Variants in ARHGEF10 observed in about 807,000 individuals in gnomAD.
The protein encoded by ARHGEF10 is Rho guanine nucleotide exchange factor (GEF) 10.
A neutral mutation model predicts 147.4 loss-of-function variants in ARHGEF10; 140 were observed. That is an observed-to-expected ratio of 0.95 (90% CI 0.83 to 1.09). The LOEUF (loss-of-function observed/expected upper bound fraction) is 1.09. Ranked by LOEUF, ARHGEF10 falls within the 50% of genes least tolerant of loss-of-function variation. The pLI is 0.00. For synonymous variants in ARHGEF10, 902 were observed against 695.8 expected (o/e 1.30, Z -4.67); for missense variants, 2,222 against 1,752.7 (o/e 1.27, Z -4.78).
In ARHGEF10 at chr8:1,905,500, G is replaced by C. The variant is rs1196221547; in HGVS notation, c.1822-71G>C. ...AAAGTCACCCTGAGACTCCATACCA[G>C]ACTTCTCCTCATCTTTTTCTTTTCC... On this transcript the variant is annotated intron_variant, in intron 16 of 28. Transcript: ENST00000349830. 1.9e-6 allele frequency: 3 copies of C among 1,597,556 alleles called. No individual in the cohort carries two copies. The African/African-American group carries it at 4.0e-5, about 21-fold the overall frequency.
chr8:1,876,159 G>T (rs3735874), intron 7 of ARHGEF10: 43,629 of 240,206 alleles, frequency 0.18, 4,655 homozygotes, highest in East Asian at 0.36. Flanking sequence ...ACCGTCCATC[G>T]ACATGCCTAT....
At chr8:1,934,068 C>A in intron 26 of ARHGEF10, 126 bp downstream of exon 26, 1 of 1,297,814 alleles carries the variant, frequency 7.7e-7, no homozygotes. Context: ...GGCACAGTGG[C>A]TCATGCCTGT....
chr8:1,836,173 T>A (rs1803567178), intron 1 of ARHGEF10, among the ~76,000 whole-genome samples: 1 of 129,342 alleles, frequency 7.7e-6, no homozygotes, highest in Admixed American at 7.9e-5. Context: ...AGAGCAAGAC[T>A]CTGCCATGGA....
chr8:1,903,216 C>T lies in ARHGEF10; in HGVS notation c.1651-65C>T, dbSNP rs2294034. 12,767 of 1,586,792 alleles carry T rather than the reference C, an allele frequency of 8.0e-3. 334 individuals carry two copies. Among genetic ancestry groups the T allele is most frequent in the African/African-American group, 0.078 (5,824 of 74,368 alleles). On this transcript the variant is annotated intron_variant, in intron 15 of 28. Coordinates refer to ENST00000349830, the MANE Select transcript of ARHGEF10 (RefSeq NM_014629.4). ...CTTTCCATTGTCAGCTGGCGGGTGA[C>T]GCGACTGTTGTTGCACTGGGAGTGT...
rs73540782 is a variant in ARHGEF10 at position 1,846,884 on chromosome 8, T to G, written c.37+3448T>G. Among the ~76,000 whole-genome samples, 356 of 152,326 alleles carry G rather than the reference T, an allele frequency of 2.3e-3. 2 individuals are homozygous for G. Among genetic ancestry groups the G allele is most frequent in the African/African-American group, 8.1e-3 (337 of 41,572 alleles). ...GAGCCACCACATGTGGCCTGATTTTTAACATTTTGAGTGTAGGTTTTTATA... is the reference window on the plus strand; with the variant it reads ...GAGCCACCACATGTGGCCTGATTTTGAACATTTTGAGTGTAGGTTTTTATA... On this transcript the variant is annotated intron_variant, in intron 2 of 28. Transcript: ENST00000349830.
chr8:1,878,453 G>C (rs1056880894), intron 8 of ARHGEF10, among the ~76,000 whole-genome samples: 5 of 152,176 alleles, frequency 3.3e-5, no homozygotes, highest in Non-Finnish European at 7.3e-5. Flanking sequence ...CCAAAGTGCT[G>C]GGATTACAGG....
Position 1,824,780 on chromosome 8 carries a change from C to T in ARHGEF10, c.-48+667C>T, listed in dbSNP as rs1189513573. 8.0e-4 allele frequency among the ~76,000 whole-genome samples: 61 copies of T among 76,500 alleles called. 1 individual carries two copies. Among genetic ancestry groups the T allele is most frequent in the African/African-American group, 3.6e-3 (59 of 16,568 alleles). The allele number at this position is 76,500 out of a possible 152,430, so 50.2% of individuals were successfully genotyped here. The stretch of plus-strand genomic sequence containing the variant: ...CCGCACCCTACCTGTTTATTCTGCA[C>T]CCCACCTGTCCCCTCGCACCCCACC... On this transcript the variant is annotated intron_variant, in intron 1 of 28. Transcript: ENST00000349830.
In ARHGEF10 at chr8:1,869,208, A is replaced by G. The variant is rs776692115; in HGVS notation, c.637A>G (p.Ile213Val). ...TAWMENPEEA[I>V]YDDVPRENSD... ...GTTTATTGCAGATCCAGAGGAAGCAATTTACGATGACGTTCCAAGGGAAAA... is the reference window on the plus strand; with the variant it reads ...GTTTATTGCAGATCCAGAGGAAGCAGTTTACGATGACGTTCCAAGGGAAAA... Residue 213 changes from isoleucine to valine, a missense_variant, in exon 7 of 29, where the codon ATT (isoleucine) becomes GTT (valine). By Grantham distance (29) the Ile-to-Val change is conservative. Transcript: ENST00000349830. The G allele has an allele frequency of 1.2e-6, 2 of 1,613,906 alleles. No homozygotes were observed. Among genetic ancestry groups the G allele is most frequent in the African/African-American group, 1.3e-5 (1 of 74,928 alleles).
chr8:1,855,950 G>A (rs1388479991), intron 2 of ARHGEF10, among the ~76,000 whole-genome samples: 1 of 151,176 alleles, frequency 6.6e-6, no homozygotes, highest in African/African-American at 2.4e-5. Flanking sequence ...AATAGGTTTT[G>A]TTTACGGTCG....
intron 7 of ARHGEF10, chr8:1,870,668 A>T (rs1030838696): frequency 1.3e-5 from 2 of 152,236 alleles, no homozygotes; most frequent in Non-Finnish European, 2.9e-5. Context: ...AGGAAGATAT[A>T]TAACAGTTCT....
intron 2 of ARHGEF10, among the ~76,000 whole-genome samples, chr8:1,849,135 T>C (rs1804776822): frequency 6.6e-6 from 1 of 152,250 alleles, no homozygotes; most frequent in Non-Finnish European, 1.5e-5. Flanking sequence ...ACTTTATTTG[T>C]ACCCTTTTGC....
intron 18 of ARHGEF10, among the ~76,000 whole-genome samples, chr8:1,917,519 G>T (rs1378358492): frequency 6.6e-6 from 1 of 152,088 alleles, no homozygotes; most frequent in African/African-American, 2.4e-5. Context: ...ACCCTTCCTT[G>T]TTTGCCGCAC....
At position 1,885,664 on chromosome 8, in the gene ARHGEF10, A is replaced by C; in HGVS notation, c.1139A>C (p.Glu380Ala). The change falls in exon 11 of 29, where the codon GAA becomes GCA. Residue 380 changes from glutamate (E) to alanine (A), a missense_variant. Glu to Ala is a moderately radical substitution (Grantham distance 107). Coordinates refer to ENST00000349830, the MANE Select transcript of ARHGEF10 (RefSeq NM_014629.4). ...ATTGATGTTGACTGCAAGCACCCGG[A>C]AGCCATCTTGACCCCGATGCCCGAG... ...LFIDVDCKHPEAILTPMPEGL... is the reference protein window; with the variant it reads ...LFIDVDCKHPAAILTPMPEGL... 1.2e-6 allele frequency: 2 copies of C among 1,614,068 alleles called. No homozygotes were observed. The highest frequency in any genetic ancestry group is 1.7e-6 in the Non-Finnish European group (2 of 1,180,026).
chr8:1,932,994 C>A (rs558489268), intron 25 of ARHGEF10, among the ~76,000 whole-genome samples: 2 of 152,154 alleles, frequency 1.3e-5, no homozygotes, highest in Admixed American at 1.3e-4. Flanking sequence ...ACATTAGTCA[C>A]TTTAGAAGTT....
rs1054745857 is a variant in ARHGEF10 at position 1,937,148 on chromosome 8, G to C, written c.3222+3206G>C. ...GACAGGGAGGTTGGGGTACATGTTA[G>C]ATGATTTTTGGCAGTATTGTTCCTG... On this transcript the variant is annotated intron_variant, in intron 26 of 28. Transcript: ENST00000349830. This position sits in a 1 kb window ranked among gnomAD's most constrained non-coding sequence, Gnocchi z 4.9. Among the ~76,000 whole-genome samples, 2 of 152,180 alleles carry C rather than the reference G, an allele frequency of 1.3e-5. No individual in the cohort carries two copies. Among genetic ancestry groups the C allele is most frequent in the South Asian group, 4.1e-4 (2 of 4,826 alleles).
intron 15 of ARHGEF10, among the ~76,000 whole-genome samples, chr8:1,899,713 GATCAAAAT>G (rs1278378517): frequency 6.6e-6 from 1 of 152,152 alleles, no homozygotes; most frequent in Non-Finnish European, 1.5e-5. Flanking sequence ...TTTTTCCCAA[GATCAAAAT>G]ATTCAAAGTG....
At chr8:1,842,033 GGCGGGA>G (rs1804125914) in intron 1 of ARHGEF10, among the ~76,000 whole-genome samples, 1 of 122,276 alleles carries the variant, frequency 8.2e-6, no homozygotes, top group Non-Finnish European at 1.7e-5. Context: ...CTGGGGCCGC[GGCGGGA>G]ACTGGGGCCG....
At chr8:1,857,220 A>G (rs577160019) in intron 2 of ARHGEF10, among the ~76,000 whole-genome samples, 1 of 152,172 alleles carries the variant, frequency 6.6e-6, no homozygotes, top group Non-Finnish European at 1.5e-5. Context: ...AAAATTGTAA[A>G]TAAGAGAGGC....
At chr8:1,853,147 GT>G (rs1053647779) in intron 2 of ARHGEF10, among the ~76,000 whole-genome samples, 5 of 152,204 alleles carry the variant, frequency 3.3e-5, no homozygotes, top group African/African-American at 4.8e-5. Context: ...TGCCGTCTGT[GT>G]TTCCTCCTCC....
Sources: allele counts gnomAD v4.1 joint callset (sites outside exome capture counted in the v4.1 genomes callset), GRCh38; gene constraint gnomAD v4.1.1; non-coding constraint Gnocchi (gnomAD v3.1); transcripts MANE v1.5; gene names NCBI Gene and HGNC (gene_info 2026-07-23, HGNC 2026-07-21).